Variants in ADGRB3 observed in about 807,000 individuals in gnomAD.
The protein encoded by ADGRB3 is brain-specific angiogenesis inhibitor 3.
A neutral mutation model predicts 193.4 loss-of-function variants in ADGRB3; 37 were observed. That is an observed-to-expected ratio of 0.19 (90% CI 0.15 to 0.25). ADGRB3 has a LOEUF of 0.25. Among genes scored for constraint, ADGRB3 ranks in the 10% least tolerant of loss-of-function variants. The pLI, the probability that ADGRB3 is intolerant of heterozygous loss-of-function variation, is 1.00. For synonymous variants in ADGRB3, 690 were observed against 644.2 expected, an observed-to-expected ratio of 1.07 and a Z score of -1.08; for missense variants, 1,637 against 1,852.9, an observed-to-expected ratio of 0.88 and a Z score of 2.14.
intron 17 of ADGRB3, among the ~76,000 whole-genome samples, chr6:69,138,416 C>T (rs1034370249): frequency 2.6e-5 from 4 of 152,332 alleles, no homozygotes; most frequent in Non-Finnish European, 4.4e-5. Context: ...ATCATTTTAT[C>T]ATAACAGGTT....
At chr6:68,696,364 A>G (rs1765157975) in intron 3 of ADGRB3, among the ~76,000 whole-genome samples, 1 of 151,654 alleles carries the variant, frequency 6.6e-6, no homozygotes. Context: ...TATAAGTTGG[A>G]TTTTAAATTT....
chr6:69,165,300 A>T (rs1242376515), intron 17 of ADGRB3, among the ~76,000 whole-genome samples: 2 of 151,984 alleles, frequency 1.3e-5, no homozygotes, highest in African/African-American at 4.8e-5. Context: ...AGGTGCAAGA[A>T]CCCTAAATTA....
intron 3 of ADGRB3, among the ~76,000 whole-genome samples, chr6:68,924,609 C>A (rs1281287649): frequency 6.6e-6 from 1 of 151,822 alleles, no homozygotes; most frequent in African/African-American, 2.4e-5. Flanking sequence ...AGCAGTGTGC[C>A]CTTTGACTAT....
intron 12 of ADGRB3, among the ~76,000 whole-genome samples, 173 bp downstream of exon 12, chr6:69,014,279 A>T (rs894141654): frequency 8.5e-5 from 13 of 152,094 alleles, no homozygotes; most frequent in African/African-American, 2.7e-4. Flanking sequence ...GTCTGGAAGG[A>T]ATATTTATAC....
At chr6:69,263,497 A>G (rs752619491) in intron 20 of ADGRB3, among the ~76,000 whole-genome samples, 4 of 152,010 alleles carry the variant, frequency 2.6e-5, no homozygotes, top group Non-Finnish European at 4.4e-5. Context: ...CTAACAGCAC[A>G]GTGTTGGACA....
intron 3 of ADGRB3, among the ~76,000 whole-genome samples, chr6:68,801,904 C>G (rs1186694821): frequency 6.6e-6 from 1 of 152,052 alleles, no homozygotes; most frequent in Non-Finnish European, 1.5e-5. Flanking sequence ...TTAAACTGAC[C>G]TCTTTCCCAC....
intron 16 of ADGRB3, among the ~76,000 whole-genome samples, chr6:69,067,493 C>T (rs1274884703): frequency 6.6e-6 from 1 of 152,006 alleles, no homozygotes; most frequent in African/African-American, 2.4e-5. Context: ...AAAGAAATTC[C>T]AACATTCATC....
chr6:69,279,804 C>T (rs1252989025), intron 20 of ADGRB3, among the ~76,000 whole-genome samples: 4 of 151,942 alleles, frequency 2.6e-5, no homozygotes, highest in African/African-American at 9.7e-5. Context: ...CTGGGAGGAC[C>T]GAGGAAAAAC....
intron 3 of ADGRB3, among the ~76,000 whole-genome samples, chr6:68,642,212 T>C (rs1768099516): frequency 6.6e-6 from 1 of 152,178 alleles, no homozygotes; most frequent in African/African-American, 2.4e-5. Context: ...ACATGTATTG[T>C]ACCATAGAAG....
intron 3 of ADGRB3, among the ~76,000 whole-genome samples, chr6:68,669,042 G>A (rs1289341908): frequency 6.6e-6 from 1 of 151,852 alleles, no homozygotes; most frequent in Non-Finnish European, 1.5e-5. Context: ...AAATATTTGT[G>A]AATGTATGTA....
intron 3 of ADGRB3, among the ~76,000 whole-genome samples, chr6:68,836,111 T>C (rs1312420164): frequency 6.6e-6 from 1 of 152,136 alleles, no homozygotes; most frequent in East Asian, 1.9e-4. Context: ...GAGTTGACTT[T>C]TGCTCTTCCA....
chr6:69,120,789 C>G (rs147474303), intron 17 of ADGRB3, among the ~76,000 whole-genome samples: 3 of 152,122 alleles, frequency 2.0e-5, no homozygotes, highest in African/African-American at 7.2e-5. Flanking sequence ...TTGAAGTTTT[C>G]CTCGAGCTTT....
At chr6:68,729,817 A>AT (rs948299099) in intron 3 of ADGRB3, among the ~76,000 whole-genome samples, 9 of 151,504 alleles carry the variant, frequency 5.9e-5, no homozygotes, top group Non-Finnish European at 1.0e-4. Flanking sequence ...ACAAAGACAC[A>AT]TTTTTTTCCT....
chr6:68,695,313 A>G (rs1225073444), intron 3 of ADGRB3, among the ~76,000 whole-genome samples: 1 of 152,050 alleles, frequency 6.6e-6, no homozygotes, highest in Non-Finnish European at 1.5e-5. Flanking sequence ...TCTGTATAGC[A>G]TGCCAAAATT....
chr6:68,651,344 G>A (rs1468079998), intron 3 of ADGRB3, among the ~76,000 whole-genome samples: 1 of 152,154 alleles, frequency 6.6e-6, no homozygotes, highest in Non-Finnish European at 1.5e-5. Flanking sequence ...CCAAGAAAGA[G>A]AACATTTTAA....
intron 3 of ADGRB3, among the ~76,000 whole-genome samples, chr6:68,710,487 T>G (rs1486256893): frequency 6.6e-6 from 1 of 152,178 alleles, no homozygotes; most frequent in East Asian, 1.9e-4. Context: ...CTCTCCTGGC[T>G]GCAGATGTGC....
intron 3 of ADGRB3, among the ~76,000 whole-genome samples, chr6:68,920,953 A>G (rs1160574003): frequency 6.6e-6 from 1 of 152,204 alleles, no homozygotes; most frequent in Non-Finnish European, 1.5e-5. Flanking sequence ...TGATTAATTA[A>G]AGAGATTGAC....
At chr6:69,075,005 C>T (rs529832551) in intron 16 of ADGRB3, among the ~76,000 whole-genome samples, 3 of 152,134 alleles carry the variant, frequency 2.0e-5, no homozygotes, top group Non-Finnish European at 4.4e-5. Flanking sequence ...ATTTTAAAAG[C>T]TCAGCAGAGA....
At chr6:68,961,163 A>G (rs1446918552) in intron 8 of ADGRB3, among the ~76,000 whole-genome samples, 8 of 152,182 alleles carry the variant, frequency 5.3e-5, no homozygotes, top group Admixed American at 1.3e-4. Flanking sequence ...TACAGCAGTC[A>G]TTTAAAGAAA....
Sources: gnomAD v4.1 joint callset for allele counts (sites outside exome capture counted in the v4.1 genomes callset) on GRCh38, gnomAD v4.1.1 for gene constraint, MANE v1.5 for transcripts, NCBI Gene and HGNC (gene_info 2026-07-23, HGNC 2026-07-21) for gene names.